The following SLC44A1 variants were observed in gnomAD, a reference collection of about 807,000 sequenced individuals.
SLC44A1 encodes choline transporter-like protein 1.
SLC44A1 carries 26 observed loss-of-function variants against 79.3 expected under a neutral mutation model. The ratio of observed to expected loss-of-function variants is 0.33; its 90% CI spans 0.24 to 0.46. SLC44A1 has a LOEUF of 0.46. Among genes scored for constraint, SLC44A1 ranks in the 20% least tolerant of loss-of-function variants. The pLI is 1.00. For missense variants in SLC44A1, 688 were observed against 798.1 expected (o/e 0.86, Z 1.66); for synonymous variants, 263 against 286.2 (o/e 0.92, Z 0.82).
intron 1 of SLC44A1, among the ~76,000 whole-genome samples, chr9:105,297,861 C>T (rs1410630170): frequency 6.6e-6 from 1 of 152,156 alleles, no homozygotes; most frequent in Non-Finnish European, 1.5e-5. Context: ...TTCCTCCTGA[C>T]AAGACTTTTC....
chr9:105,354,109 G>A (rs1827542536), intron 5 of SLC44A1, among the ~76,000 whole-genome samples: 1 of 131,362 alleles, frequency 7.6e-6, no homozygotes, highest in Non-Finnish European at 1.5e-5. Context: ...GGAGTGCAGT[G>A]GCGCGATCTC....
Position 105,396,071 on chromosome 9 carries a change from C to CT in SLC44A1, c.*7016dup. 2.0e-6 allele frequency: 2 copies of CT among 985,232 alleles called. No individual in the cohort carries two copies. Among genetic ancestry groups the CT allele is most frequent in the Non-Finnish European group, 2.4e-6 (2 of 829,894 alleles). The allele number at this position is 985,232 out of a possible 1,614,324, so 61.0% of individuals were successfully genotyped here. On this transcript the variant is annotated 3_prime_UTR_variant, in exon 16 of 16. Transcript: ENST00000374720. Reference sequence around the variant, plus strand: ...GGTTTTTGGCCCCTATTGTTTTTGCCTATTTTGATTTTCAGAGATGATCAC... The same window carrying CT: ...GGTTTTTGGCCCCTATTGTTTTTGCCTTATTTTGATTTTCAGAGATGATCAC...
In SLC44A1 at chr9:105,361,297, C is replaced by T. The variant is rs201199019; in HGVS notation, c.867C>T (p.Leu289=). The T allele has an allele frequency of 3.0e-4, 483 of 1,612,952 alleles. No homozygotes were observed. Among genetic ancestry groups the T allele is most frequent in the South Asian group, 8.0e-4 (73 of 90,812 alleles). Residue 289 remains leucine (L), a synonymous_variant, in exon 8 of 16, where the codon CTC becomes CTT. Transcript: ENST00000374720. ...LQIAEDNLRA[L]LIYAISATVF... is the part of the protein sequence containing the mutation. ...TAGCTGAAGACAATCTTCGGGCCCT[C>T]CTCATTTATGCCATTTCAGCTACAG...
At chr9:105,425,209 T>C (rs1829305551) in intron 15 of SLC44A1, among the ~76,000 whole-genome samples, 1 of 152,216 alleles carries the variant, frequency 6.6e-6, no homozygotes, top group Non-Finnish European at 1.5e-5. Context: ...TTTTGGTGAC[T>C]AAATGGCATT....
intron 1 of SLC44A1, among the ~76,000 whole-genome samples, chr9:105,292,180 G>A (rs1830617003): frequency 6.6e-6 from 1 of 152,160 alleles, no homozygotes; most frequent in Non-Finnish European, 1.5e-5. Flanking sequence ...TGCCAAAGGA[G>A]CATGTAGTCC....
intron 13 of SLC44A1, among the ~76,000 whole-genome samples, chr9:105,382,496 G>GA (rs1427411432): frequency 6.6e-6 from 1 of 152,010 alleles, no homozygotes; most frequent in Non-Finnish European, 1.5e-5. Context: ...AATAAAATAC[G>GA]AAACACAGAA....
At position 105,393,223 on chromosome 9, in the gene SLC44A1, C is replaced by G; in HGVS notation, c.*4167C>G. On this transcript the variant is annotated 3_prime_UTR_variant, in exon 16 of 16. Transcript: ENST00000374720. The stretch of plus-strand genomic sequence containing the variant: ...TTGCTTTAAATGCATATTCATGTAT[C>G]TTTGTGTGCTAAGAATGCATGTTAG... 1.0e-6 allele frequency: 1 copy of G among 985,396 alleles called. No individual in the cohort carries two copies. The highest frequency in any genetic ancestry group is 1.2e-6 in the Non-Finnish European group (1 of 829,870). 61.0% of individuals were successfully genotyped at this position (985,396 alleles called of 1,614,324 possible). A position where few individuals can be genotyped will look rare whatever the true frequency, so the allele number is the denominator to read the frequency against.
chr9:105,435,094 C>T (rs1475207948), intron 15 of SLC44A1, among the ~76,000 whole-genome samples: 2 of 151,502 alleles, frequency 1.3e-5, no homozygotes, highest in Non-Finnish European at 2.9e-5. Flanking sequence ...CTGCAATGAG[C>T]TGTTATCATG....
intron 4 of SLC44A1, among the ~76,000 whole-genome samples, chr9:105,339,418 G>T (rs1170669036): frequency 6.6e-6 from 1 of 152,156 alleles, no homozygotes; most frequent in African/African-American, 2.4e-5. Context: ...ATATCCAAAA[G>T]AATTCAAAAT....
intron 15 of SLC44A1, among the ~76,000 whole-genome samples, chr9:105,408,253 G>A (rs1384269652): frequency 6.6e-6 from 1 of 152,150 alleles, no homozygotes; most frequent in Non-Finnish European, 1.5e-5. Flanking sequence ...CCTGCCCTAT[G>A]AGAAATGCTA....
At chr9:105,422,998 C>T (rs1356860767) in intron 15 of SLC44A1, among the ~76,000 whole-genome samples, 1 of 152,266 alleles carries the variant, frequency 6.6e-6, no homozygotes, top group African/African-American at 2.4e-5. Context: ...CTGTGTGGGA[C>T]ATAGTAGGTA....
At chr9:105,388,920 G>T (rs905583545) in intron 15 of SLC44A1, 113 bp from the exon 16 acceptor site, 1 of 775,332 alleles carries the variant, frequency 1.3e-6, no homozygotes. Flanking sequence ...AGGATTCTCA[G>T]TCCATTTTGC....
chr9:105,383,376 C>T lies in SLC44A1; in HGVS notation c.1869+17C>T, dbSNP rs1828536695. ...GTGCTGATGGTAAGTACTTCAAATG[C>T]CGTTTCCTATTTTAGGGATAAAAAT... On this transcript the variant is annotated intron_variant, in intron 14 of 15. Coordinates refer to ENST00000374720, the MANE Select transcript of SLC44A1 (RefSeq NM_080546.5). The T allele has an allele frequency of 7.3e-7, 1 of 1,377,392 alleles. No individual in the cohort carries two copies. The highest frequency in any genetic ancestry group is 2.3e-5 in the East Asian group (1 of 43,732). The allele number at this position is 1,377,392 out of a possible 1,614,324, so 85.3% of individuals were successfully genotyped here.
At chr9:105,335,432 G>A in intron 3 of SLC44A1, 131 bp from the exon 4 acceptor site, 2 of 594,856 alleles carry the variant, frequency 3.4e-6, no homozygotes, top group East Asian at 2.9e-5. Flanking sequence ...TTTTTAAAAT[G>A]TATTTATGAT....
chr9:105,354,727 A>G lies in SLC44A1; in HGVS notation c.501-1485A>G, dbSNP rs59419536. On this transcript the variant is annotated intron_variant, in intron 5 of 15. Transcript: ENST00000374720. The stretch of plus-strand genomic sequence containing the variant: ...TTATATTATTTTAACGTTCCACCAA[A>G]TATGACAGCATGAAAGATGTTACTT... 1.6e-3 allele frequency among the ~76,000 whole-genome samples: 246 copies of G among 152,376 alleles called. 1 individual carries two copies. Among genetic ancestry groups the G allele is most frequent in the African/African-American group, 5.6e-3 (231 of 41,586 alleles).
chr9:105,329,659 C>T (rs567194804), intron 3 of SLC44A1, among the ~76,000 whole-genome samples: 11 of 152,194 alleles, frequency 7.2e-5, no homozygotes, highest in South Asian at 4.1e-4. Flanking sequence ...ATTCTAAGGA[C>T]GGCTACATTT....
At chr9:105,270,298 T>G (rs1454878157) in intron 1 of SLC44A1, among the ~76,000 whole-genome samples, 1 of 152,204 alleles carries the variant, frequency 6.6e-6, no homozygotes, top group Non-Finnish European at 1.5e-5. Context: ...TAATCATATC[T>G]GACATGGGTC....
Position 105,255,118 on chromosome 9 carries a change from A to T in SLC44A1, c.36+10214A>T, listed in dbSNP as rs1182646521. Among the ~76,000 whole-genome samples the T allele has an allele frequency of 4.5e-3, 617 of 137,580 alleles. 5 individuals are homozygous for T. The highest frequency in any genetic ancestry group is 0.018 in the African/African-American group (578 of 31,458). 90.3% of individuals were successfully genotyped at this position (137,580 alleles called of 152,430 possible). ...GTTTTTTTGTTTTTTTTTTTTTTTAATAATTAAACTGAAAAGTCATGTCAT... is the reference window on the plus strand; with the variant it reads ...GTTTTTTTGTTTTTTTTTTTTTTTATTAATTAAACTGAAAAGTCATGTCAT... On this transcript the variant is annotated intron_variant, in intron 1 of 15. Coordinates refer to ENST00000374720, the MANE Select transcript of SLC44A1 (RefSeq NM_080546.5).
intron 3 of SLC44A1, among the ~76,000 whole-genome samples, chr9:105,313,897 C>T (rs1831247622): frequency 6.6e-6 from 1 of 151,780 alleles, no homozygotes; most frequent in South Asian, 2.1e-4. Context: ...TTAGCTGGGA[C>T]CACAGGCATG....
Sources: allele counts gnomAD v4.1 joint callset (sites outside exome capture counted in the v4.1 genomes callset), GRCh38; gene constraint gnomAD v4.1.1; transcripts MANE v1.5; gene names NCBI Gene and HGNC (gene_info 2026-07-23, HGNC 2026-07-21).